Variants in ZNF676 observed in about 807,000 individuals in gnomAD.
ZNF676 encodes zinc finger protein 676.
A neutral mutation model predicts 6.0 loss-of-function variants in ZNF676; 4 were observed. That is an observed-to-expected ratio of 0.67 (90% CI 0.33 to 1.53). The LOEUF is 1.53. Among genes scored for constraint, ZNF676 ranks in the 40% most tolerant of loss-of-function variants. The pLI is 0.06. For synonymous variants in ZNF676, 198 were observed against 223.1 expected, an observed-to-expected ratio of 0.89 and a Z score of 1.00; for missense variants, 644 against 679.7, an observed-to-expected ratio of 0.95 and a Z score of 0.58.
upstream of ZNF676, among the ~76,000 whole-genome samples, chr19:22,216,823 CT>C (rs1409175882): frequency 1.3e-5 from 2 of 150,870 alleles, no homozygotes; most frequent in East Asian, 4.0e-4. Flanking sequence ...GTAGTACCAG[CT>C]ATTCGGGGGC....
At chr19:22,251,200 G>GA in the ZNF676 span, among the ~76,000 whole-genome samples, 4 of 152,122 alleles carry the variant, frequency 2.6e-5, no homozygotes, top group African/African-American at 9.7e-5. Context: ...AAACCTATGT[G>GA]AAAAATAATT....
At chr19:22,238,926 A>T in the ZNF676 span, among the ~76,000 whole-genome samples, 1 of 152,160 alleles carries the variant, frequency 6.6e-6, no homozygotes, top group East Asian at 1.9e-4. Context: ...ATTAAGGGTG[A>T]GTCTGCCTTT....
chr19:22,223,230 T>G, the ZNF676 span, among the ~76,000 whole-genome samples: 1 of 152,198 alleles, frequency 6.6e-6, no homozygotes, highest in African/African-American at 2.4e-5. Context: ...AGTGGAAGCC[T>G]GTCTCCTGAA....
intron 1 of ZNF676, among the ~76,000 whole-genome samples, chr19:22,204,993 A>T (rs2144801917): frequency 6.6e-6 from 1 of 152,260 alleles, no homozygotes; most frequent in East Asian, 1.9e-4. Flanking sequence ...AAAGCCTCTT[A>T]TTTCTCATTT....
the ZNF676 span, among the ~76,000 whole-genome samples, chr19:22,220,892 G>A: frequency 6.6e-6 from 1 of 152,118 alleles, no homozygotes; most frequent in African/African-American, 2.4e-5. Flanking sequence ...TCAAGTTTGA[G>A]CATGTAAAGG....
chr19:22,211,048 G>GTT (rs573477648), intron 1 of ZNF676, among the ~76,000 whole-genome samples: 10 of 149,196 alleles, frequency 6.7e-5, no homozygotes, highest in African/African-American at 2.5e-4. Context: ...AATCCTTAAA[G>GTT]ATCTTATAGT....
chr19:22,213,460 C>CA (rs1202495613), intron 1 of ZNF676, among the ~76,000 whole-genome samples: 4 of 152,172 alleles, frequency 2.6e-5, no homozygotes, highest in East Asian at 1.9e-4. Context: ...GTTAGCTTTC[C>CA]AAAAAAACAG....
chr19:22,251,067 A>C, the ZNF676 span, among the ~76,000 whole-genome samples: 1 of 152,166 alleles, frequency 6.6e-6, no homozygotes, highest in African/African-American at 2.4e-5. Flanking sequence ...GGACCCCAAG[A>C]AGAGAGAAAT....
At chr19:22,208,279 CA>C (rs59454778) in intron 1 of ZNF676, among the ~76,000 whole-genome samples, 8 of 143,184 alleles carry the variant, frequency 5.6e-5, no homozygotes, top group Non-Finnish European at 9.2e-5. Context: ...AAAAGAAGAC[CA>C]AAAAAAAAAC....
At chr19:22,215,608 G>C in intron 1 of ZNF676, 1 of 1,610,406 alleles carries the variant, frequency 6.2e-7, no homozygotes, top group South Asian at 1.1e-5. Context: ...CACTCTCTCA[G>C]TGTGTCGGAC....
rs11309473 is a variant in ZNF676 at position 22,181,928 on chromosome 19, ATT to A, written c.131-344_131-343del. Reference sequence around the variant, plus strand: ...TTCAGAAGCAAATTGTCCATTTCTGATTTTTTTTTTTTTTTAAGGAAAGTAAA... The same window carrying A: ...TTCAGAAGCAAATTGTCCATTTCTGATTTTTTTTTTTTTAAGGAAAGTAAA... On this transcript the variant is annotated intron_variant, in intron 2 of 2. Coordinates refer to ENST00000397121, the MANE Select transcript of ZNF676 (RefSeq NM_001001411.3). Among the ~76,000 whole-genome samples, 566 of 145,048 alleles carry A rather than the reference ATT, an allele frequency of 3.9e-3. 1 individual carries two copies. Among genetic ancestry groups the A allele is most frequent in the African/African-American group, 0.013 (494 of 39,520 alleles).
chr19:22,250,687 G>C, the ZNF676 span, among the ~76,000 whole-genome samples: 5 of 151,700 alleles, frequency 3.3e-5, no homozygotes, highest in Admixed American at 3.3e-4. Flanking sequence ...CAGGGTTCCT[G>C]ACCCATGGTA....
intron 2 of ZNF676, among the ~76,000 whole-genome samples, chr19:22,187,155 AT>A (rs2144738414): frequency 6.6e-6 from 1 of 152,346 alleles, no homozygotes; most frequent in African/African-American, 2.4e-5. Context: ...AAAAACAGAA[AT>A]AATAACAAAC....
chr19:22,256,707 G>A, the ZNF676 span, among the ~76,000 whole-genome samples: 27 of 152,264 alleles, frequency 1.8e-4, no homozygotes, highest in South Asian at 8.3e-4. Context: ...CAAAATAGGA[G>A]TGTCACCTCA....
At chr19:22,190,660 T>TATATATAC (rs1568528865) in intron 2 of ZNF676, among the ~76,000 whole-genome samples, 1 of 123,290 alleles carries the variant, frequency 8.1e-6, no homozygotes. Flanking sequence ...TATATATATA[T>TATATATAC]ATATACATAC....
At chr19:22,253,156 T>C in the ZNF676 span, among the ~76,000 whole-genome samples, 1 of 152,034 alleles carries the variant, frequency 6.6e-6, no homozygotes, top group Admixed American at 6.6e-5. Context: ...ACCGAATCCA[T>C]GTATGAACCA....
chr19:22,222,647 G>T, the ZNF676 span, among the ~76,000 whole-genome samples: 1 of 136,446 alleles, frequency 7.3e-6, no homozygotes, highest in Non-Finnish European at 1.5e-5. Context: ...TATATAAACT[G>T]GTTACAAGGG....
intron 1 of ZNF676, among the ~76,000 whole-genome samples, chr19:22,213,879 G>T (rs1599720204): frequency 6.6e-6 from 1 of 152,178 alleles, no homozygotes; most frequent in East Asian, 1.9e-4. Context: ...CTGAAGGGTG[G>T]CTGAGGACAC....
At chr19:22,252,436 G>GAAA in the ZNF676 span, among the ~76,000 whole-genome samples, 1 of 137,238 alleles carries the variant, frequency 7.3e-6, no homozygotes, top group South Asian at 2.3e-4. Flanking sequence ...AGAAAGAAAA[G>GAAA]AAAAAAAAAA....
Sources: gnomAD v4.1 joint callset for allele counts (sites outside exome capture counted in the v4.1 genomes callset) on GRCh38, gnomAD v4.1.1 for gene constraint, MANE v1.5 for transcripts, NCBI Gene and HGNC (gene_info 2026-07-23, HGNC 2026-07-21) for gene names.